NOL4: variants seen among roughly 807,000 people sequenced by gnomAD.
The protein encoded by NOL4 is cancer/testis antigen 125.
Under a neutral mutation model 75.9 loss-of-function variants are expected in NOL4, and 17 were observed. The ratio of observed to expected loss-of-function variants is 0.22; its 90% confidence interval spans 0.15 to 0.34. The LOEUF (loss-of-function observed/expected upper bound fraction) is 0.34, where lower values mean the gene tolerates loss of function less well. NOL4 is among the 10% of genes least tolerant of loss of function. The pLI is 1.00. For missense variants in NOL4, 614 were observed against 793.5 expected, an observed-to-expected ratio of 0.77 and a Z score of 2.72; for synonymous variants, 292 against 289.9, an observed-to-expected ratio of 1.01 and a Z score of -0.07.
At chr18:34,054,494 T>A (rs1014781200) in intron 5 of NOL4, among the ~76,000 whole-genome samples, 2 of 151,920 alleles carry the variant, frequency 1.3e-5, no homozygotes, top group African/African-American at 4.8e-5. Flanking sequence ...TATTTTAAAG[T>A]CTCCTTTTTT....
chr18:33,913,905 C>G (rs544467593), intron 9 of NOL4, among the ~76,000 whole-genome samples: 1 of 152,040 alleles, frequency 6.6e-6, no homozygotes. Flanking sequence ...GCAGAGAAGA[C>G]AAAGGGTAAT....
intron 9 of NOL4, among the ~76,000 whole-genome samples, chr18:33,926,086 G>A (rs2067304985): frequency 6.6e-6 from 1 of 152,050 alleles, no homozygotes; most frequent in Middle Eastern, 3.2e-3. Context: ...CTTAGGCCCG[G>A]TGTGGTGGCT....
At chr18:33,930,102 A>G (rs2067589247) in intron 9 of NOL4, among the ~76,000 whole-genome samples, 1 of 152,098 alleles carries the variant, frequency 6.6e-6, no homozygotes, top group Non-Finnish European at 1.5e-5. Flanking sequence ...ACTAAATATG[A>G]TATTATGTGC....
At chr18:34,132,276 C>A (rs1477071327) in intron 1 of NOL4, among the ~76,000 whole-genome samples, 10 of 152,156 alleles carry the variant, frequency 6.6e-5, no homozygotes, top group Non-Finnish European at 8.8e-5. Flanking sequence ...TTATACCAAA[C>A]AAGATAATGT....
At position 34,061,997 on chromosome 18, in the gene NOL4, G is replaced by A. The variant is rs1414169739; in HGVS notation, c.772+31468C>T. Among the ~76,000 whole-genome samples, 3 of 152,126 alleles carry A rather than the reference G, an allele frequency of 2.0e-5. 1 individual carries two copies. Among genetic ancestry groups the A allele is most frequent in the Middle Eastern group, 6.8e-3 (2 of 292 alleles). ...ATTCAGAATGACATATACTGAGAGA[G>A]ACGTTAAGCCTACCAAGATAGGAAA... On this transcript the variant is annotated intron_variant, in intron 5 of 10. Coordinates refer to ENST00000261592, the MANE Select transcript of NOL4 (RefSeq NM_003787.5).
intron 6 of NOL4, among the ~76,000 whole-genome samples, chr18:33,963,941 T>C (rs563378579): frequency 1.3e-5 from 2 of 152,206 alleles, no homozygotes; most frequent in East Asian, 1.9e-4. Context: ...GTGTCTGATA[T>C]TTGCAGCCAG....
At chr18:33,859,028 C>A (rs1250690683) in intron 10 of NOL4, among the ~76,000 whole-genome samples, 1 of 151,778 alleles carries the variant, frequency 6.6e-6, no homozygotes, top group Non-Finnish European at 1.5e-5. Flanking sequence ...CTTTATTCAT[C>A]TTGTCATATT....
chr18:34,223,122 C>A lies in NOL4; in HGVS notation c.132G>T (p.Glu44Asp). ...ATTTGGCGTTGTCCGTGGAGCTCGACTCGGAGCCATTGAGGAGCTGGACGA... is the reference window on the plus strand; with the variant it reads ...ATTTGGCGTTGTCCGTGGAGCTCGAATCGGAGCCATTGAGGAGCTGGACGA... The part of the protein sequence containing the change: ...ERIVQLLNGS[E>D]SSSTDNAKFK... Residue 44 changes from glutamate to aspartate, a missense_variant, in exon 1 of 11, where the codon GAG (glutamate) becomes GAT (aspartate). Physicochemically the swap from Glu to Asp is conservative, Grantham distance 45. Around this residue, in one of 9 missense-constraint regions of NOL4, gnomAD observed 35 missense variants for 29.2 expected, o/e 1.20. Coordinates refer to ENST00000261592, the MANE Select transcript of NOL4 (RefSeq NM_003787.5). The A allele has an allele frequency of 6.2e-7, 1 of 1,614,218 alleles. No homozygotes were observed. Among genetic ancestry groups the A allele is most frequent in the Admixed American group, 1.7e-5 (1 of 60,032 alleles).
intron 5 of NOL4, among the ~76,000 whole-genome samples, chr18:34,063,726 T>C (rs1401218762): frequency 1.3e-5 from 2 of 152,072 alleles, no homozygotes; most frequent in Admixed American, 6.6e-5. Flanking sequence ...TAAATCATGA[T>C]GTGAAACAAA....
chr18:34,160,169 G>A (rs1404466921), intron 1 of NOL4, among the ~76,000 whole-genome samples: 1 of 152,108 alleles, frequency 6.6e-6, no homozygotes, highest in African/African-American at 2.4e-5. Context: ...AATTTTGCAA[G>A]AAACTCTATT....
At chr18:34,124,255 T>C (rs1204354559) in intron 2 of NOL4, among the ~76,000 whole-genome samples, 1 of 152,190 alleles carries the variant, frequency 6.6e-6, no homozygotes, top group Admixed American at 6.5e-5. Flanking sequence ...AGACAATCTA[T>C]ACTTGCACTA....
At chr18:33,856,550 C>T (rs893031616) in intron 10 of NOL4, among the ~76,000 whole-genome samples, 2 of 152,018 alleles carry the variant, frequency 1.3e-5, no homozygotes. Flanking sequence ...ATACAGCCTT[C>T]TCCTACATTC....
intron 9 of NOL4, among the ~76,000 whole-genome samples, chr18:33,891,620 G>C (rs932852193): frequency 2.0e-5 from 3 of 152,094 alleles, no homozygotes; most frequent in Non-Finnish European, 4.4e-5. Flanking sequence ...AAAAATACAA[G>C]TCTACTTCTT....
intron 2 of NOL4, among the ~76,000 whole-genome samples, chr18:34,107,662 T>G (rs1251768715): frequency 2.7e-5 from 4 of 146,730 alleles, no homozygotes; most frequent in African/African-American, 5.1e-5. Flanking sequence ...AAAATATTTC[T>G]CCTGCAACGC....
intron 5 of NOL4, among the ~76,000 whole-genome samples, chr18:34,082,074 A>T (rs2078034712): frequency 6.6e-6 from 1 of 152,214 alleles, no homozygotes; most frequent in Admixed American, 6.5e-5. Flanking sequence ...TTATAAAAGC[A>T]CAAGCTATAT....
chr18:34,148,341 G>C (rs1046251700), intron 1 of NOL4, among the ~76,000 whole-genome samples: 1 of 152,042 alleles, frequency 6.6e-6, no homozygotes, highest in African/African-American at 2.4e-5. Context: ...GCTTTCTGCT[G>C]TGGGCATTTA....
In NOL4 at chr18:33,931,712, T is replaced by G. The variant is rs139944798; in HGVS notation, c.1542+11353A>C. ...TCATGCCACTGTACTCCAGCCTGGG[T>G]GACAGAGCAAGAATCTGTTTCTTAA... On this transcript the variant is annotated intron_variant, in intron 9 of 10. Coordinates refer to ENST00000261592, the MANE Select transcript of NOL4 (RefSeq NM_003787.5). Among the ~76,000 whole-genome samples, 491 of 152,056 alleles carry G rather than the reference T, an allele frequency of 3.2e-3. 3 individuals carry two copies. Among genetic ancestry groups the G allele is most frequent in the Middle Eastern group, 0.014 (4 of 294 alleles).
intron 10 of NOL4, among the ~76,000 whole-genome samples, chr18:33,867,862 A>T (rs1422223392): frequency 1.3e-5 from 2 of 152,034 alleles, no homozygotes; most frequent in Admixed American, 6.6e-5. Context: ...GCCCAAGAAG[A>T]ACTAATATTT....
chr18:34,194,636 C>T (rs1420736362), intron 1 of NOL4, among the ~76,000 whole-genome samples: 2 of 152,084 alleles, frequency 1.3e-5, no homozygotes, highest in Non-Finnish European at 2.9e-5. Flanking sequence ...TTTCATCTTA[C>T]TCATTTTTCA....
Sources: gnomAD v4.1 joint callset for allele counts (sites outside exome capture counted in the v4.1 genomes callset) on GRCh38, gnomAD v4.1.1 for gene constraint, gnomAD v4.1.1 regional missense constraint, MANE v1.5 for transcripts, NCBI Gene and HGNC (gene_info 2026-07-23, HGNC 2026-07-21) for gene names.